The following PCED1B variants were observed in gnomAD, a reference collection of about 807,000 sequenced individuals.
PCED1B encodes PC-esterase domain-containing protein 1B.
For synonymous variants in PCED1B, 251 were observed against 246.1 expected (o/e 1.02, Z -0.19); for missense variants, 573 against 573.9 (o/e 1.00, Z 0.02).
At chr12:47,126,196 C>T (rs1011632222) in intron 2 of PCED1B, among the ~76,000 whole-genome samples, 2 of 151,938 alleles carry the variant, frequency 1.3e-5, no homozygotes, top group Admixed American at 6.6e-5. Flanking sequence ...CCGTCTATTC[C>T]TAGCTTAATG....
chr12:47,093,143 G>C (rs961052513), intron 1 of PCED1B, among the ~76,000 whole-genome samples: 1 of 151,108 alleles, frequency 6.6e-6, no homozygotes, highest in East Asian at 1.9e-4. Context: ...TAAAATAATG[G>C]GCTTAATTTT....
At chr12:47,152,092 T>C (rs932445053) in intron 2 of PCED1B, among the ~76,000 whole-genome samples, 4 of 152,238 alleles carry the variant, frequency 2.6e-5, no homozygotes, top group African/African-American at 7.2e-5. Context: ...AATCATTCTT[T>C]GGTAAACACT....
chr12:47,205,325 T>C (rs185107310), intron 2 of PCED1B, among the ~76,000 whole-genome samples: 2 of 152,332 alleles, frequency 1.3e-5, no homozygotes, highest in East Asian at 3.9e-4. Context: ...CAAGCACTGA[T>C]CTTAGGTTTT....
intron 2 of PCED1B, among the ~76,000 whole-genome samples, chr12:47,177,835 T>G (rs1941972989): frequency 6.6e-6 from 1 of 152,098 alleles, no homozygotes; most frequent in Non-Finnish European, 1.5e-5. Flanking sequence ...ACACCTGTAC[T>G]ACTCAGGAGG....
intron 2 of PCED1B, among the ~76,000 whole-genome samples, chr12:47,143,540 G>A (rs966786936): frequency 6.6e-6 from 1 of 152,034 alleles, no homozygotes; most frequent in Non-Finnish European, 1.5e-5. Flanking sequence ...TGAAAGATCT[G>A]TACACAGAAA....
chr12:47,122,201 C>G (rs1405569172), intron 2 of PCED1B, among the ~76,000 whole-genome samples: 1 of 152,002 alleles, frequency 6.6e-6, no homozygotes, highest in African/African-American at 2.4e-5. Context: ...ATTAGGCGTT[C>G]ATCTCTTGGC....
intron 2 of PCED1B, among the ~76,000 whole-genome samples, chr12:47,148,840 C>G (rs1940887599): frequency 6.6e-6 from 1 of 152,222 alleles, no homozygotes; most frequent in South Asian, 2.1e-4. Flanking sequence ...GTTTGAGTAT[C>G]TCTGTTACCA....
At chr12:47,136,343 A>G (rs1347618010) in intron 2 of PCED1B, among the ~76,000 whole-genome samples, 1 of 152,154 alleles carries the variant, frequency 6.6e-6, no homozygotes, top group Non-Finnish European at 1.5e-5. Flanking sequence ...TCTTCCCTTT[A>G]TCTTAACAGA....
chr12:47,100,266 G>T (rs1433835753), intron 1 of PCED1B, among the ~76,000 whole-genome samples: 1 of 152,140 alleles, frequency 6.6e-6, no homozygotes, highest in Non-Finnish European at 1.5e-5. Flanking sequence ...TTTTTGGCAT[G>T]CTTGGATCTC....
rs374155461 is a variant in PCED1B, at chr12:47,198,966, CA to C, written c.-525-17245del. On this transcript the variant is annotated intron_variant, in intron 2 of 3. Transcript: ENST00000546455. ...GGGCAACAAGAGCTAAACTCCATCT[CA>C]AAAAAAAAAAGAAAAAGAAAAAAGA... Among the ~76,000 whole-genome samples, 587 of 131,208 alleles carry C rather than the reference CA, an allele frequency of 4.5e-3. 3 individuals carry two copies. The highest frequency in any genetic ancestry group is 0.015 in the African/African-American group (517 of 34,260). The allele number at this position is 131,208 out of a possible 152,430, so 86.1% of individuals were successfully genotyped here. A position where few individuals can be genotyped will look rare whatever the true frequency, so the allele number is the denominator to read the frequency against.
chr12:47,217,617 C>T (rs1031652397), intron 3 of PCED1B, among the ~76,000 whole-genome samples: 2 of 152,130 alleles, frequency 1.3e-5, no homozygotes, highest in Non-Finnish European at 1.5e-5. Flanking sequence ...CACTCTGCTG[C>T]TCAGGCTGGA....
intron 2 of PCED1B, among the ~76,000 whole-genome samples, chr12:47,202,594 T>TAAAAAAAAAAAAAAAAAAAAAAAAA (rs60769675): frequency 1.5e-5 from 1 of 66,676 alleles, no homozygotes; most frequent in Non-Finnish European, 2.9e-5. Flanking sequence ...TAGACATTAG[T>TAAAAAAAAAAAAAAAAAAAAAAAAA]AAAAAAAAAA....
chr12:47,173,538 C>T (rs1941820778), intron 2 of PCED1B, among the ~76,000 whole-genome samples: 1 of 152,120 alleles, frequency 6.6e-6, no homozygotes, highest in African/African-American at 2.4e-5. Flanking sequence ...AGGTGTGAGC[C>T]ACCATGCCCG....
At chr12:47,151,138 C>CAG (rs1940978849) in intron 2 of PCED1B, among the ~76,000 whole-genome samples, 1 of 150,618 alleles carries the variant, frequency 6.6e-6, no homozygotes, top group Non-Finnish European at 1.5e-5. Context: ...ATAATATATA[C>CAG]ACACACACAC....
At chr12:47,166,349 C>G (rs759250152) in intron 2 of PCED1B, among the ~76,000 whole-genome samples, 6 of 152,180 alleles carry the variant, frequency 3.9e-5, no homozygotes, top group Non-Finnish European at 8.8e-5. Context: ...TGCCCAGTAG[C>G]CTCTATATGG....
At chr12:47,140,147 A>G (rs1940540004) in intron 2 of PCED1B, among the ~76,000 whole-genome samples, 1 of 152,186 alleles carries the variant, frequency 6.6e-6, no homozygotes, top group African/African-American at 2.4e-5. Context: ...CTGCACATTA[A>G]TGAGGAATTT....
In PCED1B at chr12:47,235,034, GA is replaced by G; in HGVS notation, c.-28del. On this transcript the variant is annotated 5_prime_UTR_variant, in exon 4 of 4. An upstream open reading frame in the 5' UTR loses its in-frame stop. Coordinates refer to ENST00000546455, the MANE Select transcript of PCED1B (RefSeq NM_138371.3). The stretch of plus-strand genomic sequence containing the variant: ...ATCCGCAGAGCCATCCTGTGCAAAG[GA>G]AGGAGCTAGGCTGTGCGCCCTGGGC... 1 of 1,505,050 alleles carries G rather than the reference GA, an allele frequency of 6.6e-7. No individual in the cohort carries two copies. Among genetic ancestry groups the G allele is most frequent in the Non-Finnish European group, 8.9e-7 (1 of 1,126,410 alleles). 93.2% of individuals were successfully genotyped at this position (1,505,050 alleles called of 1,614,324 possible).
At chr12:47,217,436 A>AG (rs1565607576) in intron 3 of PCED1B, among the ~76,000 whole-genome samples, 2 of 85,750 alleles carry the variant, frequency 2.3e-5, no homozygotes, top group South Asian at 3.3e-4. Flanking sequence ...AGAAGAAAAA[A>AG]AAAGAAAGAA....
In PCED1B at chr12:47,088,653, T is replaced by C. The variant is rs143020614; in HGVS notation, c.-609+8928T>C. On this transcript the variant is annotated intron_variant, in intron 1 of 3. Transcript: ENST00000546455. ...GACATGCTGCTACTTGCCTCTTGCATTGTGATAAAAATACGTGGTAGGAAA... is the reference window on the plus strand; with the variant it reads ...GACATGCTGCTACTTGCCTCTTGCACTGTGATAAAAATACGTGGTAGGAAA... Among the ~76,000 whole-genome samples, 13 of 152,318 alleles carry C rather than the reference T, an allele frequency of 8.5e-5. No individual in the cohort carries two copies. The East Asian group carries it at 2.5e-3, about 29-fold the overall frequency.
Sources: allele counts gnomAD v4.1 joint callset (sites outside exome capture counted in the v4.1 genomes callset), GRCh38; gene constraint gnomAD v4.1.1; transcripts MANE v1.5; gene names NCBI Gene and HGNC (gene_info 2026-07-23, HGNC 2026-07-21).